Variants in KASH5 observed in about 807,000 individuals in gnomAD.
KASH5 encodes protein KASH5.
Under a neutral mutation model 84.2 loss-of-function variants are expected in KASH5, and 72 were observed. The observed-to-expected ratio is 0.85, with a 90% confidence interval of 0.71 to 1.04. KASH5 has a LOEUF of 1.04. Ranked by LOEUF, KASH5 falls within the 50% of genes least tolerant of loss-of-function variation. The pLI, the probability that KASH5 is intolerant of heterozygous loss-of-function variation, is 0.00. For synonymous variants in KASH5, 260 were observed against 279.1 expected, an observed-to-expected ratio of 0.93 and a Z score of 0.68; for missense variants, 650 against 701.0, an observed-to-expected ratio of 0.93 and a Z score of 0.82.
intron 2 of KASH5, among the ~76,000 whole-genome samples, chr19:49,392,600 G>A (rs1041166362): frequency 2.6e-5 from 4 of 152,094 alleles, no homozygotes; most frequent in African/African-American, 4.8e-5. Flanking sequence ...CAGGGTCCTC[G>A]TTCATGTAAC....
At chr19:49,401,551 G>A (rs1974360527) in intron 9 of KASH5, among the ~76,000 whole-genome samples, 1 of 152,148 alleles carries the variant, frequency 6.6e-6, no homozygotes, top group Admixed American at 6.5e-5. Flanking sequence ...TTCTGAGAGT[G>A]CTCTGGGAAG....
At chr19:49,390,955 G>C in intron 2 of KASH5, 29 bp downstream of exon 2, 2 of 1,604,910 alleles carry the variant, frequency 1.2e-6, no homozygotes, top group Non-Finnish European at 1.7e-6. Context: ...ATTTGCCCCG[G>C]GGAGGGTGAG....
chr19:49,416,183 C>T lies in KASH5; in HGVS notation c.1375-832C>T, dbSNP rs901046769. Among the ~76,000 whole-genome samples the T allele has an allele frequency of 4.6e-5, 7 of 152,172 alleles. No individual in the cohort carries two copies. The highest frequency in any genetic ancestry group is 1.7e-4 in the African/African-American group (7 of 41,434). ...TTTGTAATTATACCATTTATAATGGCATGGTGTTTTGTTTTTGGTTTTTGT... is the reference window on the plus strand; with the variant it reads ...TTTGTAATTATACCATTTATAATGGTATGGTGTTTTGTTTTTGGTTTTTGT... On this transcript the variant is annotated intron_variant, in intron 17 of 19. Transcript: ENST00000447857. This position sits in a 1 kb window ranked among gnomAD's most constrained non-coding sequence, Gnocchi z 5.4.
At chr19:49,393,984 G>A (rs1261834720) in intron 2 of KASH5, among the ~76,000 whole-genome samples, 1 of 152,196 alleles carries the variant, frequency 6.6e-6, no homozygotes, top group East Asian at 1.9e-4. Context: ...TAGGGATGCA[G>A]GGAGGAGAGA....
Position 49,409,068 on chromosome 19 carries a change from G to A in KASH5, c.1058+37G>A, listed in dbSNP as rs780631281. ...TTCAAGGGGTAGGAGGAGGCAGGAG[G>A]GGAGCCTAAGGGCAGGGACACCCTG... On this transcript the variant is annotated intron_variant, in intron 13 of 19. Transcript: ENST00000447857. 9 of 1,579,548 alleles carry A rather than the reference G, an allele frequency of 5.7e-6. No homozygotes were observed. In the East Asian group the frequency reaches 1.9e-4, roughly 33 times the overall value.
intron 11 of KASH5, 32 bp downstream of exon 11, chr19:49,407,328 T>C (rs759028552): frequency 1.2e-6 from 2 of 1,608,960 alleles, no homozygotes; most frequent in Middle Eastern, 1.7e-4. Context: ...AGAGATTCGC[T>C]TTCCATGTGC....
At chr19:49,409,117 G>A in intron 13 of KASH5, 79 bp from the exon 14 acceptor site, 1 of 1,588,856 alleles carries the variant, frequency 6.3e-7, no homozygotes, top group African/African-American at 1.3e-5. Context: ...AGGTGGGCAG[G>A]GAAGGGAGGC....
At chr19:49,396,812 A>G (rs994762351) in intron 5 of KASH5, among the ~76,000 whole-genome samples, 1 of 152,200 alleles carries the variant, frequency 6.6e-6, no homozygotes, top group Non-Finnish European at 1.5e-5. Flanking sequence ...TAATCCCAGC[A>G]TTTTAGAAGG....
intron 12 of KASH5, 68 bp from the exon 13 acceptor site, chr19:49,408,899 G>A: frequency 1.3e-6 from 2 of 1,501,482 alleles, no homozygotes; most frequent in Non-Finnish European, 1.8e-6. Flanking sequence ...TGGAAGAGGA[G>A]CCCAGAGGTG....
At chr19:49,403,378 A>AC (rs1974425880) in intron 9 of KASH5, among the ~76,000 whole-genome samples, 1 of 94,104 alleles carries the variant, frequency 1.1e-5, no homozygotes, top group African/African-American at 5.4e-5. Flanking sequence ...TCTCAAAATA[A>AC]AAAAAAAGGG....
At chr19:49,408,872 G>T in intron 12 of KASH5, 95 bp from the exon 13 acceptor site, 1 of 1,340,802 alleles carries the variant, frequency 7.5e-7, no homozygotes. Flanking sequence ...AAGTAGTCAG[G>T]AAAGGGGAAA....
rs1189213226 is a variant in KASH5 at position 49,417,189 on chromosome 19, G to A, written c.1470G>A (p.Leu490=). Residue 490 remains leucine, a synonymous_variant, in exon 19 of 20, where the codon CTG becomes CTA. Transcript: ENST00000447857. The surrounding 1 kb of genome is among the most constrained non-coding windows in gnomAD (Gnocchi z 5.2). Reference sequence around the variant, plus strand: ...CGCGGCGGGAACTCCAGCAAGCCCTGGTGCCTGTGATGAAAAAGCTGGTCC... The same window carrying A: ...CGCGGCGGGAACTCCAGCAAGCCCTAGTGCCTGTGATGAAAAAGCTGGTCC... ...RPARRELQQA[L]VPVMKKLVPV... is the part of the protein sequence containing the mutation. 6.2e-7 allele frequency: 1 copy of A among 1,613,858 alleles called. No individual in the cohort carries two copies. Among genetic ancestry groups the A allele is most frequent in the Admixed American group, 1.7e-5 (1 of 60,014 alleles).
In KASH5 at chr19:49,417,329, C is replaced by T. The variant is rs979309198; in HGVS notation, c.1548-40C>T. 6.4e-7 allele frequency: 1 copy of T among 1,566,156 alleles called. No homozygotes were observed. The highest frequency in any genetic ancestry group is 8.7e-7 in the Non-Finnish European group (1 of 1,154,600). On this transcript the variant is annotated intron_variant, in intron 19 of 19. Transcript: ENST00000447857. This position sits in a 1 kb window ranked among gnomAD's most constrained non-coding sequence, Gnocchi z 5.2. ...CTGACATTGGGAAGAGCAGGGGCTG[C>T]CCAGACCCTGCCCTAAATGCTCTCC...
rs1421158308 is a variant in KASH5 at position 49,409,742 on chromosome 19, T to G, written c.1147-11T>G. 2 of 1,613,598 alleles carry G rather than the reference T, an allele frequency of 1.2e-6. No homozygotes were observed. Among genetic ancestry groups the G allele is most frequent in the Admixed American group, 3.3e-5 (2 of 59,986 alleles). ...GGCTCTCCCTGACCTCGGAAACAAC[T>G]TCTGTCCCAGAAACAGGAAGTGGCA... On this transcript the variant is annotated splice_polypyrimidine_tract_variant and intron_variant, in intron 14 of 19. Transcript: ENST00000447857.
In KASH5 at chr19:49,414,369, G is replaced by T. The variant is rs761009735; in HGVS notation, c.1329-582G>T. ...CTCCAACAGTTGAGTTCTGTGGGCT[G>T]GGAGGTCTGAGTTGGAGTCCCAGTC... On this transcript the variant is annotated intron_variant, in intron 16 of 19. Coordinates refer to ENST00000447857, the MANE Select transcript of KASH5 (RefSeq NM_144688.5). This position sits in a 1 kb window ranked among gnomAD's most constrained non-coding sequence, Gnocchi z 4.5. 3.9e-5 allele frequency among the ~76,000 whole-genome samples: 6 copies of T among 152,100 alleles called. No homozygotes were observed. Among genetic ancestry groups the T allele is most frequent in the Non-Finnish European group, 8.8e-5 (6 of 68,004 alleles).
rs752434395 is a variant in KASH5, at chr19:49,414,992, T to G, written c.1370T>G (p.Val457Gly). The G allele has an allele frequency of 5.0e-6, 8 of 1,612,378 alleles. No individual in the cohort carries two copies. The South Asian group carries it at 8.8e-5, about 18-fold the overall frequency. Residue 457 changes from valine (V) to glycine (G), a missense_variant, in exon 17 of 20, where the codon GTC becomes GGC. By Grantham distance (109) the Val-to-Gly change is moderately radical (BLOSUM62 -3). Transcript: ENST00000447857. This position sits in a 1 kb window ranked among gnomAD's most constrained non-coding sequence, Gnocchi z 4.5. ...REEEEDAESQ[V>G]TADLPVPLGA... ...GAAGAGGAGGATGCAGAGAGCCAGG[T>G]CACGGTAGGCAGTCCCCAGCACCCC...
In KASH5 at chr19:49,390,800, C is replaced by A. The variant is rs1973977350; in HGVS notation, c.-84C>A. ...GCTTCTCCTTCCAGGAGTGCTCGGG[C>A]CAGCTGGTCCTTTTCCCATCCCTCC... On this transcript the variant is annotated 5_prime_UTR_variant, in exon 2 of 20. Transcript: ENST00000447857. 30 of 1,452,320 alleles carry A rather than the reference C, an allele frequency of 2.1e-5. No homozygotes were observed. In the East Asian group the frequency reaches 7.2e-4, roughly 35 times the overall value. 90.0% of individuals were successfully genotyped at this position (1,452,320 alleles called of 1,614,324 possible).
At chr19:49,400,487 C>A (rs1206166036) in intron 9 of KASH5, among the ~76,000 whole-genome samples, 2 of 151,692 alleles carry the variant, frequency 1.3e-5, no homozygotes, top group Non-Finnish European at 2.9e-5. Flanking sequence ...GCCTCAGCCT[C>A]CCAAGTAGCT....
intron 9 of KASH5, among the ~76,000 whole-genome samples, chr19:49,402,907 A>AGAAGAAGGTGGTCTCTGG (rs60682297): frequency 0.033 from 4,923 of 150,366 alleles, 270 homozygotes; most frequent in African/African-American, 0.11. Flanking sequence ...CCAGAGGTTT[A>AGAAGAAGGTGGTCTCTGG]GAAGAAGGTG....
Sources: gnomAD v4.1 joint callset for allele counts (sites outside exome capture counted in the v4.1 genomes callset) on GRCh38, gnomAD v4.1.1 for gene constraint, Gnocchi (gnomAD v3.1) non-coding constraint, MANE v1.5 for transcripts, NCBI Gene and HGNC (gene_info 2026-07-23, HGNC 2026-07-21) for gene names.